Variants in NCKAP5 observed in about 807,000 individuals in gnomAD.
The protein encoded by NCKAP5 is NCK associated protein 5, also known as nck-associated protein 5.
NCKAP5 carries 92 observed loss-of-function variants against 167.0 expected under a neutral mutation model. The ratio of observed to expected loss-of-function variants is 0.55; its 90% confidence interval spans 0.47 to 0.66. The LOEUF (loss-of-function observed/expected upper bound fraction) is 0.66, where lower values mean the gene tolerates loss of function less well. NCKAP5 is among the 30% of genes least tolerant of loss of function. The pLI is 0.00. For synonymous variants in NCKAP5, 891 were observed against 877.4 expected (o/e 1.02, Z -0.27); for missense variants, 2,378 against 2,315.0 (o/e 1.03, Z -0.56).
In NCKAP5 at chr2:133,339,181, A is replaced by G. The variant is rs995491160; in HGVS notation, c.70-36071T>C. 3.3e-5 allele frequency among the ~76,000 whole-genome samples: 5 copies of G among 152,180 alleles called. No homozygotes were observed. The South Asian group carries it at 6.2e-4, about 19-fold the overall frequency. On this transcript the variant is annotated intron_variant, in intron 3 of 19. Coordinates refer to ENST00000409261, the MANE Select transcript of NCKAP5 (RefSeq NM_207363.3). Reference sequence around the variant, plus strand: ...CAATTTTCCTTGTTTCTCCTTTCTTATGTCTCTTAGCAATAGAGAGAAATG... The same window carrying G: ...CAATTTTCCTTGTTTCTCCTTTCTTGTGTCTCTTAGCAATAGAGAGAAATG...
chr2:133,330,311 C>G (rs1682766722), intron 3 of NCKAP5, among the ~76,000 whole-genome samples: 1 of 145,464 alleles, frequency 6.9e-6, no homozygotes, highest in Non-Finnish European at 1.5e-5. Flanking sequence ...TCTCAATCCC[C>G]TGGGCTCAAG....
At chr2:133,141,137 GT>G (rs1348778466) in intron 5 of NCKAP5, among the ~76,000 whole-genome samples, 5 of 151,916 alleles carry the variant, frequency 3.3e-5, no homozygotes, top group Admixed American at 2.6e-4. Flanking sequence ...ATTTTCTCTG[GT>G]TTAGAAACTC....
intron 16 of NCKAP5, among the ~76,000 whole-genome samples, chr2:132,738,457 T>C (rs951052158): frequency 6.6e-6 from 1 of 152,196 alleles, no homozygotes; most frequent in African/African-American, 2.4e-5. Context: ...AACACCAGCA[T>C]CCACAGTATT....
intron 3 of NCKAP5, among the ~76,000 whole-genome samples, chr2:133,423,460 C>G (rs1347032383): frequency 6.6e-6 from 1 of 152,008 alleles, no homozygotes; most frequent in Non-Finnish European, 1.5e-5. Flanking sequence ...TTTTTTTAAA[C>G]CAAGACTTAT....
chr2:133,040,838 G>A (rs1052848887), intron 6 of NCKAP5, among the ~76,000 whole-genome samples: 7 of 152,086 alleles, frequency 4.6e-5, no homozygotes, highest in African/African-American at 1.7e-4. Flanking sequence ...GAGTTGGGCT[G>A]GTCTATATTT....
chr2:132,878,750 G>A, intron 9 of NCKAP5, 98 bp downstream of exon 9: 7 of 889,232 alleles, frequency 7.9e-6, no homozygotes, highest in Non-Finnish European at 1.3e-5. Context: ...AAATGCTGAT[G>A]TTTTGTGGAT....
chr2:132,868,269 A>G (rs1690513397), intron 10 of NCKAP5, among the ~76,000 whole-genome samples: 1 of 152,142 alleles, frequency 6.6e-6, no homozygotes, highest in African/African-American at 2.4e-5. Flanking sequence ...AACATTCCAT[A>G]AAATTCACTG....
In NCKAP5 at chr2:132,783,363, G is replaced by T; in HGVS notation, c.3448C>A (p.Leu1150Ile). Residue 1150 changes from leucine (L) to isoleucine (I), a missense_variant, in exon 14 of 20, where the codon CTC (leucine) becomes ATC (isoleucine). Leu to Ile is a conservative substitution (Grantham distance 5). Coordinates refer to ENST00000409261, the MANE Select transcript of NCKAP5 (RefSeq NM_207363.3). ...KGLKTRLPVG[L>I]KVLMKSPQLL... is the part of the protein sequence containing the mutation. ...TGGGGAGACTTCATGAGCACTTTGA[G>T]TCCCACTGGAAGGCGAGTTTTCAGT... 6.2e-7 allele frequency: 1 copy of T among 1,611,458 alleles called. No homozygotes were observed. Among genetic ancestry groups the T allele is most frequent in the South Asian group, 1.1e-5 (1 of 90,636 alleles).
At chr2:133,283,322 T>A (rs552193725) in intron 4 of NCKAP5, among the ~76,000 whole-genome samples, 109 of 152,286 alleles carry the variant, frequency 7.2e-4, no homozygotes, top group Non-Finnish European at 1.3e-3. Context: ...TGTTCCTTTG[T>A]TCCTTTTGTC....
chr2:133,539,712 T>A (rs1256433792), intron 2 of NCKAP5, among the ~76,000 whole-genome samples: 1 of 152,192 alleles, frequency 6.6e-6, no homozygotes, highest in African/African-American at 2.4e-5. Context: ...TAAAAACTTA[T>A]GCTGATGAAT....
At chr2:133,060,881 C>G (rs867730173) in intron 6 of NCKAP5, among the ~76,000 whole-genome samples, 1 of 152,228 alleles carries the variant, frequency 6.6e-6, no homozygotes, top group Middle Eastern at 3.4e-3. Flanking sequence ...ATCATTCAGG[C>G]TGCTCTCCTC....
At chr2:133,187,925 C>G (rs2085021743) in intron 5 of NCKAP5, among the ~76,000 whole-genome samples, 1 of 152,004 alleles carries the variant, frequency 6.6e-6, no homozygotes, top group African/African-American at 2.4e-5. Context: ...TTGAATCTAT[C>G]CAATTTGCCA....
intron 19 of NCKAP5, among the ~76,000 whole-genome samples, chr2:132,713,775 G>C (rs902605535): frequency 1.3e-5 from 2 of 152,132 alleles, no homozygotes; most frequent in African/African-American, 4.8e-5. Context: ...GAAACATTCT[G>C]TATGATGCTT....
intron 8 of NCKAP5, among the ~76,000 whole-genome samples, chr2:132,927,804 A>G (rs1696027985): frequency 6.6e-6 from 1 of 152,132 alleles, no homozygotes; most frequent in Admixed American, 6.5e-5. Context: ...ATAAGATCAT[A>G]TCATCAGTGA....
intron 6 of NCKAP5, among the ~76,000 whole-genome samples, chr2:133,080,393 T>C (rs1403169043): frequency 2.0e-5 from 3 of 152,148 alleles, no homozygotes; most frequent in Admixed American, 6.5e-5. Context: ...AATGGTATAC[T>C]CGAGATGAGA....
chr2:132,708,351 G>A (rs533166361), intron 19 of NCKAP5, among the ~76,000 whole-genome samples: 189 of 152,196 alleles, frequency 1.2e-3, no homozygotes, highest in African/African-American at 4.5e-3. Flanking sequence ...CCTAGCCCTG[G>A]CAGCATTCAC....
chr2:132,716,583 G>T (rs1453117053), intron 19 of NCKAP5, among the ~76,000 whole-genome samples: 3 of 151,850 alleles, frequency 2.0e-5, no homozygotes, highest in Admixed American at 6.6e-5. Flanking sequence ...CTTGAGGGGG[G>T]TAACACTGGG....
intron 3 of NCKAP5, among the ~76,000 whole-genome samples, chr2:133,438,889 T>C (rs1690662074): frequency 6.6e-6 from 1 of 152,232 alleles, no homozygotes; most frequent in Non-Finnish European, 1.5e-5. Context: ...CACATAAACT[T>C]AAAACCTGAC....
intron 6 of NCKAP5, among the ~76,000 whole-genome samples, chr2:133,114,762 A>T (rs1420741083): frequency 6.6e-6 from 1 of 152,114 alleles, no homozygotes; most frequent in Admixed American, 6.5e-5. Flanking sequence ...ATTTTGCAGA[A>T]CCTAGTCTTA....
Sources: gnomAD v4.1 joint callset for allele counts (sites outside exome capture counted in the v4.1 genomes callset) on GRCh38, gnomAD v4.1.1 for gene constraint, MANE v1.5 for transcripts, NCBI Gene and HGNC (gene_info 2026-07-23, HGNC 2026-07-21) for gene names.